LRP1: variants seen among roughly 807,000 people sequenced by gnomAD.
LRP1 encodes LDL receptor related protein 1.
Under a neutral mutation model 541.5 loss-of-function variants are expected in LRP1, and 51 were observed. The observed-to-expected ratio is 0.09, with a 90% CI of 0.08 to 0.12. The LOEUF (loss-of-function observed/expected upper bound fraction) is 0.12. Ranked by LOEUF, LRP1 falls within the 10% of genes least tolerant of loss-of-function variation. LRP1 has a pLI of 1.00. For synonymous variants in LRP1, 2,219 were observed against 2,470.8 expected, an observed-to-expected ratio of 0.90 and a Z score of 3.02; for missense variants, 3,878 against 6,376.2, an observed-to-expected ratio of 0.61 and a Z score of 13.34.
chr12:57,183,541 C>T lies in LRP1; in HGVS notation c.5794+31C>T, dbSNP rs772686536. ...CCATTTGGTGGCAGAGGGAGTTGGGCGTGGCGTAGGAGCTTTAGGGGTGGT... is the reference window on the plus strand; with the variant it reads ...CCATTTGGTGGCAGAGGGAGTTGGGTGTGGCGTAGGAGCTTTAGGGGTGGT... On this transcript the variant is annotated intron_variant, in intron 35 of 88. Coordinates refer to ENST00000243077, the MANE Select transcript of LRP1 (RefSeq NM_002332.3). The surrounding 1 kb of genome is among the most constrained non-coding windows in gnomAD (Gnocchi z 6.1). 4.4e-6 allele frequency: 7 copies of T among 1,603,942 alleles called. No homozygotes were observed. The highest frequency in any genetic ancestry group is 1.7e-4 in the Middle Eastern group (1 of 5,858).
chr12:57,167,104 C>A, intron 18 of LRP1, 58 bp downstream of exon 18: 1 of 1,443,588 alleles, frequency 6.9e-7, no homozygotes, highest in Non-Finnish European at 9.7e-7. Context: ...ATCCTGAGAG[C>A]ATGCCAGTTG....
Position 57,179,593 on chromosome 12 carries a change from G to T in LRP1, c.4966+37G>T. On this transcript the variant is annotated intron_variant, in intron 29 of 88. Transcript: ENST00000243077. The surrounding 1 kb of genome is among the most constrained non-coding windows in gnomAD (Gnocchi z 6.8). ...CCCTGGATGCCCACCAGTGGACATG[G>T]GCACCTCCACCCGCCCCTTGCTCCC... 2 of 1,572,924 alleles carry T rather than the reference G, an allele frequency of 1.3e-6. No individual in the cohort carries two copies. Among genetic ancestry groups the T allele is most frequent in the Non-Finnish European group, 1.7e-6 (2 of 1,144,904 alleles).
chr12:57,194,608 C>T lies in LRP1; in HGVS notation c.8100C>T (p.Tyr2700=). ...GVKRPRCPLN[Y]FACPSGRCIP... ...AACGCCCCAGATGCCCTCTGAATTA[C>T]TTCGCCTGCCCTAGTGGGCGCTGCA... The change falls in exon 50 of 89, where the codon TAC becomes TAT. Residue 2700 remains tyrosine, a synonymous_variant. Coordinates refer to ENST00000243077, the MANE Select transcript of LRP1 (RefSeq NM_002332.3). 4 of 1,612,124 alleles carry T rather than the reference C, an allele frequency of 2.5e-6. No homozygotes were observed. Among genetic ancestry groups the T allele is most frequent in the East Asian group, 2.2e-5 (1 of 44,872 alleles).
Position 57,154,136 on chromosome 12 carries a change from C to T in LRP1, c.842-72C>T, listed in dbSNP as rs533137646. 6.8e-7 allele frequency: 1 copy of T among 1,473,668 alleles called. No homozygotes were observed. The highest frequency in any genetic ancestry group is 1.4e-5 in the African/African-American group (1 of 72,396). 91.3% of individuals were successfully genotyped at this position (1,473,668 alleles called of 1,614,324 possible). A position where few individuals can be genotyped will look rare whatever the true frequency, so the allele number is the denominator to read the frequency against. ...AGGTGGGCTTCCAGGTGTGGGTTCTCACCAGCAAAGGGTGGGCATCTCTGC... is the reference window on the plus strand; with the variant it reads ...AGGTGGGCTTCCAGGTGTGGGTTCTTACCAGCAAAGGGTGGGCATCTCTGC... On this transcript the variant is annotated intron_variant, in intron 6 of 88. Coordinates refer to ENST00000243077, the MANE Select transcript of LRP1 (RefSeq NM_002332.3). The surrounding 1 kb of genome is among the most constrained non-coding windows in gnomAD (Gnocchi z 4.6).
chr12:57,143,686 A>C lies in LRP1; in HGVS notation c.336A>C (p.Gln112His), dbSNP rs1212719820. ...TCTCCTGCCCCCACACAGAGCTCCA[A>C]GGCAACTGCTCTCGCCTGGGCTGCC... is the stretch of plus-strand genomic sequence containing the variant. ...SDEGPHCREL[Q>H]GNCSRLGCQH... is the part of the protein sequence containing the mutation. Residue 112 changes from glutamine (Q) to histidine (H), a missense_variant, in exon 4 of 89, where the codon CAA becomes CAC. Gln to His is a conservative substitution (Grantham distance 24, BLOSUM62 0). This residue lies in a region of LRP1 where 293 missense variants were observed against 403.7 expected (regional missense o/e 0.73). Transcript: ENST00000243077. 6.2e-7 allele frequency: 1 copy of C among 1,613,358 alleles called. No individual in the cohort carries two copies. Among genetic ancestry groups the C allele is most frequent in the African/African-American group, 1.3e-5 (1 of 74,940 alleles).
rs772700942 is a variant in LRP1 at position 57,210,163 on chromosome 12, C to A, written c.12574C>A (p.Pro4192Thr). ...GCCTGTGCCCTCTCCAACGCCCCCCCCAGATGGTATGCTTATGCCCTCCCA... is the reference window on the plus strand; with the variant it reads ...GCCTGTGCCCTCTCCAACGCCCCCCACAGATGGTATGCTTATGCCCTCCCA... ...CVPVPSPTPP[P>T]DAPRPGTCNL... Residue 4192 changes from proline (P) to threonine (T), a missense_variant, in exon 81 of 89, where the codon CCA (proline) becomes ACA (threonine). Coordinates refer to ENST00000243077, the MANE Select transcript of LRP1 (RefSeq NM_002332.3). 7 of 1,597,884 alleles carry A rather than the reference C, an allele frequency of 4.4e-6. No homozygotes were observed. Among genetic ancestry groups the A allele is most frequent in the South Asian group, 2.3e-5 (2 of 88,720 alleles).
Position 57,211,496 on chromosome 12 carries a change from T to C in LRP1, c.13101T>C (p.Asp4367=). 7 of 1,613,814 alleles carry C rather than the reference T, an allele frequency of 4.3e-6. No individual in the cohort carries two copies. Among genetic ancestry groups the C allele is most frequent in the Non-Finnish European group, 5.9e-6 (7 of 1,180,016 alleles). ...QSGDVTCNCT[D]GRVAPSCLTC... is the part of the protein sequence containing the mutation. ...TGATTCCTTCCTGCAGCTGCACGGATGGCCGGGTGGCCCCCAGCTGTCTGA... is the reference window on the plus strand; with the variant it reads ...TGATTCCTTCCTGCAGCTGCACGGACGGCCGGGTGGCCCCCAGCTGTCTGA... The change falls in exon 85 of 89, where the codon GAT becomes GAC. Residue 4367 remains aspartate (D), a synonymous_variant. Transcript: ENST00000243077. The surrounding 1 kb of genome is among the most constrained non-coding windows in gnomAD (Gnocchi z 4.3).
In LRP1 at chr12:57,158,662, C is replaced by T; in HGVS notation, c.1798+24C>T. The T allele has an allele frequency of 6.2e-7, 1 of 1,605,054 alleles. No individual in the cohort carries two copies. Among genetic ancestry groups the T allele is most frequent in the South Asian group, 1.1e-5 (1 of 90,850 alleles). On this transcript the variant is annotated intron_variant, in intron 11 of 88. Transcript: ENST00000243077. This position sits in a 1 kb window ranked among gnomAD's most constrained non-coding sequence, Gnocchi z 5.3. ...CGGTATGGGCTCCTAGGGATGTGGC[C>T]CATGGGGATGGAAGGGGGCTGGGGC... is the stretch of plus-strand genomic sequence containing the variant.
intron 48 of LRP1, 130 bp from the exon 49 acceptor site, chr12:57,194,224 G>T: frequency 1.8e-6 from 2 of 1,134,554 alleles, no homozygotes; most frequent in Middle Eastern, 2.9e-4. Context: ...AGATGGTGCA[G>T]ACAGTGCCCC....
chr12:57,184,922 T>C lies in LRP1; in HGVS notation c.6270T>C (p.Val2090=). 1 of 1,614,166 alleles carries C rather than the reference T, an allele frequency of 6.2e-7. No individual in the cohort carries two copies. Among genetic ancestry groups the C allele is most frequent in the Non-Finnish European group, 8.5e-7 (1 of 1,180,028 alleles). Residue 2090 remains valine, a synonymous_variant, in exon 39 of 89, where the codon GTT becomes GTC. Transcript: ENST00000243077. This position sits in a 1 kb window ranked among gnomAD's most constrained non-coding sequence, Gnocchi z 7.8. ...AGACAGGTGAGAACCGCGAGGTGGT[T>C]CTGTCCAGCAACAACATGGACATGT... is the stretch of plus-strand genomic sequence containing the variant. ...DLETGENREV[V]LSSNNMDMFS...
rs1382287578 is a variant in LRP1, at chr12:57,156,427, G to A, written c.1417+144G>A. 14 of 879,878 alleles carry A rather than the reference G, an allele frequency of 1.6e-5. No homozygotes were observed. Among genetic ancestry groups the A allele is most frequent in the South Asian group, 3.6e-5 (2 of 56,066 alleles). 54.5% of individuals were successfully genotyped at this position (879,878 alleles called of 1,614,324 possible). A position where few individuals can be genotyped will look rare whatever the true frequency, so the allele number is the denominator to read the frequency against. On this transcript the variant is annotated intron_variant, in intron 9 of 88. Transcript: ENST00000243077. This position sits in a 1 kb window ranked among gnomAD's most constrained non-coding sequence, Gnocchi z 5.2. ...GACCGATTCTCCTAGCCAGCCACTC[G>A]GGCTACCTGCCCTGGCCCCTCAGCT...
intron 12 of LRP1, 46 bp downstream of exon 12, chr12:57,160,051 G>T: frequency 6.3e-7 from 1 of 1,586,090 alleles, no homozygotes; most frequent in Non-Finnish European, 8.6e-7. Flanking sequence ...GGAGTGTGTG[G>T]GCCTCAGATA....
At chr12:57,138,726 G>A in intron 2 of LRP1, 145 bp downstream of exon 2, 1 of 1,157,948 alleles carries the variant, frequency 8.6e-7, no homozygotes, top group Non-Finnish European at 1.2e-6. Flanking sequence ...AGCTAAAACT[G>A]TCCTTTACAC....
In LRP1 at chr12:57,208,142, G is replaced by A; in HGVS notation, c.11964G>A (p.Lys3988=). Reference sequence around the variant, plus strand: ...ATGTGATTGAGGTGGCGCAGATGAAGGGCGAGAACCGCAAGACGCTCATCT... The same window carrying A: ...ATGTGATTGAGGTGGCGCAGATGAAAGGCGAGAACCGCAAGACGCTCATCT... ...GRDVIEVAQM[K]GENRKTLISG... The change falls in exon 77 of 89, where the codon AAG becomes AAA. Residue 3988 remains lysine, a synonymous_variant. Transcript: ENST00000243077. The A allele has an allele frequency of 1.2e-6, 2 of 1,614,224 alleles. No homozygotes were observed. The highest frequency in any genetic ancestry group is 1.7e-6 in the Non-Finnish European group (2 of 1,180,050).
In LRP1 at chr12:57,128,897, G is replaced by A; in HGVS notation, c.-68G>A. On this transcript the variant is annotated 5_prime_UTR_variant, in exon 1 of 89. Transcript: ENST00000243077. ...GGAGGAAAAGGGGGACCCCCCAACT[G>A]GGGGGGGTGAAGGAGAGAAGTAGCA... is the stretch of plus-strand genomic sequence containing the variant. 1 of 1,214,682 alleles carries A rather than the reference G, an allele frequency of 8.2e-7. No individual in the cohort carries two copies. Among genetic ancestry groups the A allele is most frequent in the Admixed American group, 2.4e-5 (1 of 41,540 alleles). The allele number at this position is 1,214,682 out of a possible 1,614,324, so 75.2% of individuals were successfully genotyped here.
At chr12:57,191,967 CCA>C (rs1565744225) in intron 44 of LRP1, among the ~76,000 whole-genome samples, 32 of 143,138 alleles carry the variant, frequency 2.2e-4, no homozygotes, top group Non-Finnish European at 3.2e-4. Context: ...CATACACACA[CCA>C]CACATGACAC....
chr12:57,141,734 C>T (rs2035296682), intron 3 of LRP1, among the ~76,000 whole-genome samples: 1 of 152,096 alleles, frequency 6.6e-6, no homozygotes, highest in African/African-American at 2.4e-5. Flanking sequence ...GGGCACTTCC[C>T]TCTGGCTATG....
In LRP1 at chr12:57,135,290, G is replaced by C. The variant is rs556479760; in HGVS notation, c.68-3169G>C. On this transcript the variant is annotated intron_variant, in intron 1 of 88. Transcript: ENST00000243077. Reference sequence around the variant, plus strand: ...AGGCCTTAGTTGCTTTTGACCTTAGGGCAATGTTGTTCTCTCATCTAAACT... The same window carrying C: ...AGGCCTTAGTTGCTTTTGACCTTAGCGCAATGTTGTTCTCTCATCTAAACT... Among the ~76,000 whole-genome samples, 13 of 152,282 alleles carry C rather than the reference G, an allele frequency of 8.5e-5. No homozygotes were observed. The East Asian group carries it at 2.5e-3, about 29-fold the overall frequency.
rs114959164 is a variant in LRP1, at chr12:57,153,965, G to A, written c.842-243G>A. Among the ~76,000 whole-genome samples, 1,355 of 152,008 alleles carry A rather than the reference G, an allele frequency of 8.9e-3. 35 individuals are homozygous for A. In the East Asian group the frequency reaches 0.093, roughly 10 times the overall value. On this transcript the variant is annotated intron_variant, in intron 6 of 88. Transcript: ENST00000243077. Reference sequence around the variant, plus strand: ...GTGGACCTGTGCTCTCTACCTTTTGGTGCCCCAAGAAGATGGTCCCTTTTC... The same window carrying A: ...GTGGACCTGTGCTCTCTACCTTTTGATGCCCCAAGAAGATGGTCCCTTTTC...
Sources: allele counts gnomAD v4.1 joint callset (sites outside exome capture counted in the v4.1 genomes callset), GRCh38; gene constraint gnomAD v4.1.1; regional missense constraint gnomAD v4.1.1; non-coding constraint Gnocchi (gnomAD v3.1); transcripts MANE v1.5; gene names NCBI Gene and HGNC (gene_info 2026-07-23, HGNC 2026-07-21).